Variants in FHOD3 observed in about 807,000 individuals in gnomAD.
FHOD3 encodes the protein FH1/FH2 domain-containing protein 3.
FHOD3 carries 90 observed loss-of-function variants against 173.0 expected under a neutral mutation model. That is an observed-to-expected ratio of 0.52 (90% CI 0.44 to 0.62). FHOD3 has a LOEUF of 0.62. Among genes scored for constraint, FHOD3 ranks in the 20% least tolerant of loss-of-function variants. FHOD3 has a pLI of 0.00. For synonymous variants in FHOD3, 828 were observed against 823.0 expected (o/e 1.01, Z -0.10); for missense variants, 1,945 against 2,034.7 (o/e 0.96, Z 0.85).
At chr18:36,738,481 C>A (rs951934868) in intron 20 of FHOD3, among the ~76,000 whole-genome samples, 3 of 152,126 alleles carry the variant, frequency 2.0e-5, no homozygotes, top group African/African-American at 7.2e-5. Flanking sequence ...TTATCTTATT[C>A]TTTTTTGGTA....
chr18:36,444,907 T>A (rs985729268), intron 3 of FHOD3, among the ~76,000 whole-genome samples: 1 of 152,234 alleles, frequency 6.6e-6, no homozygotes, highest in Non-Finnish European at 1.5e-5. Context: ...ATGAATAGCC[T>A]CATGCATGTG....
intron 3 of FHOD3, among the ~76,000 whole-genome samples, chr18:36,447,927 C>T (rs2051593166): frequency 6.6e-6 from 1 of 152,126 alleles, no homozygotes; most frequent in Admixed American, 6.5e-5. Context: ...GGCAGTCAGG[C>T]AGCTGGAGGG....
intron 3 of FHOD3, among the ~76,000 whole-genome samples, chr18:36,461,341 T>G (rs1234568715): frequency 6.6e-6 from 1 of 152,192 alleles, no homozygotes; most frequent in Non-Finnish European, 1.5e-5. Flanking sequence ...TGAAAGGATT[T>G]TTTTCATTCC....
chr18:36,423,723 G>A (rs1394377287), intron 3 of FHOD3, among the ~76,000 whole-genome samples: 1 of 152,130 alleles, frequency 6.6e-6, no homozygotes, highest in Non-Finnish European at 1.5e-5. Flanking sequence ...AATGATTGCA[G>A]GCTCTTACAT....
At chr18:36,763,156 G>A (rs1157881387) in intron 27 of FHOD3, among the ~76,000 whole-genome samples, 3 of 140,034 alleles carry the variant, frequency 2.1e-5, no homozygotes, top group Non-Finnish European at 3.0e-5. Context: ...TATTATACAC[G>A]TTATATATAT....
intron 17 of FHOD3, among the ~76,000 whole-genome samples, chr18:36,704,544 T>C (rs988475955): frequency 1.3e-5 from 2 of 152,200 alleles, no homozygotes; most frequent in African/African-American, 4.8e-5. Context: ...TGGTGAGCCG[T>C]GGCATCTCTT....
intron 3 of FHOD3, among the ~76,000 whole-genome samples, chr18:36,379,289 A>G (rs1254778268): frequency 1.3e-5 from 2 of 152,208 alleles, no homozygotes; most frequent in Non-Finnish European, 1.5e-5. Flanking sequence ...GACAGGAACA[A>G]TGTGAATTGA....
chr18:36,619,467 T>C (rs778682555), intron 9 of FHOD3, among the ~76,000 whole-genome samples: 4 of 152,226 alleles, frequency 2.6e-5, no homozygotes, highest in Non-Finnish European at 5.9e-5. Context: ...ACTGGACTCT[T>C]TTCTCTTTCC....
At chr18:36,437,360 C>T (rs1458221880) in intron 3 of FHOD3, among the ~76,000 whole-genome samples, 1 of 152,194 alleles carries the variant, frequency 6.6e-6, no homozygotes, top group Non-Finnish European at 1.5e-5. Context: ...TACAACAAAA[C>T]ATGAGAATAA....
At chr18:36,539,554 G>T (rs538672206) in intron 5 of FHOD3, among the ~76,000 whole-genome samples, 1 of 152,264 alleles carries the variant, frequency 6.6e-6, no homozygotes. Flanking sequence ...CTGCTGTGGA[G>T]GTGGGCACTG....
At chr18:36,586,575 G>A (rs1271255882) in intron 6 of FHOD3, among the ~76,000 whole-genome samples, 5 of 151,232 alleles carry the variant, frequency 3.3e-5, no homozygotes, top group Non-Finnish European at 5.9e-5. Context: ...ACCTCCTGCC[G>A]CCTCCTGGCT....
In FHOD3 at chr18:36,513,189, A is replaced by AAC. The variant is rs944131634; in HGVS notation, c.511+647_511+648insCA. Among the ~76,000 whole-genome samples the AAC allele has an allele frequency of 4.6e-5, 7 of 151,952 alleles. No individual in the cohort carries two copies. The South Asian group carries it at 8.4e-4, about 18-fold the overall frequency. On this transcript the variant is annotated intron_variant, in intron 5 of 28. Transcript: ENST00000590592. ...AATTTCATTTGATCCTGTAAAAAAA[A>AAC]AAAAAACAAATAACAAACCTGTGCA...
chr18:36,700,425 A>G (rs866959719), intron 17 of FHOD3, among the ~76,000 whole-genome samples: 13 of 152,212 alleles, frequency 8.5e-5, no homozygotes, highest in Non-Finnish European at 1.3e-4. Context: ...GGTTAAGGCT[A>G]TCTCTCGTGG....
rs1213143344 is a variant in FHOD3 at position 36,693,565 on chromosome 18, C to T, written c.2236+142C>T. The T allele has an allele frequency of 4.0e-6, 3 of 742,758 alleles. No individual in the cohort carries two copies. In the African/African-American group the frequency reaches 5.3e-5, roughly 13 times the overall value. 46.0% of individuals were successfully genotyped at this position (742,758 alleles called of 1,614,324 possible). On this transcript the variant is annotated intron_variant, in intron 17 of 28. Transcript: ENST00000590592. Reference sequence around the variant, plus strand: ...CTTTGTTGGGGGAGGGGGGTTGTGACTGCAACTGCCTGGTCACTAACAAAC... The same window carrying T: ...CTTTGTTGGGGGAGGGGGGTTGTGATTGCAACTGCCTGGTCACTAACAAAC...
chr18:36,464,052 G>A (rs1051120400), intron 3 of FHOD3, among the ~76,000 whole-genome samples: 1 of 152,112 alleles, frequency 6.6e-6, no homozygotes, highest in Non-Finnish European at 1.5e-5. Flanking sequence ...AGATTAAATA[G>A]GAGAAAGCAA....
At chr18:36,733,961 G>C (rs1010816846) in intron 20 of FHOD3, among the ~76,000 whole-genome samples, 1 of 152,140 alleles carries the variant, frequency 6.6e-6, no homozygotes, top group African/African-American at 2.4e-5. Context: ...GCGGTTTTGT[G>C]GGGTGGCTGG....
At chr18:36,622,742 G>A (rs185739627) in intron 9 of FHOD3, among the ~76,000 whole-genome samples, 13 of 152,242 alleles carry the variant, frequency 8.5e-5, no homozygotes, top group South Asian at 2.1e-4. Flanking sequence ...GTGAAAAGCC[G>A]TACTCTCCAG....
At position 36,774,164 on chromosome 18, in the gene FHOD3, T is replaced by G. The variant is rs181220931; in HGVS notation, c.4786+4738T>G. The stretch of plus-strand genomic sequence containing the variant: ...GACTCATAGGAGGAGGCAGTTGGTG[T>G]TCGCATTTTAACTGACTGCCTTCTG... On this transcript the variant is annotated intron_variant, in intron 28 of 28. Coordinates refer to ENST00000590592, the MANE Select transcript of FHOD3 (RefSeq NM_001281740.3). Among the ~76,000 whole-genome samples, 61 of 152,320 alleles carry G rather than the reference T, an allele frequency of 4.0e-4. 1 individual carries two copies. The East Asian group carries it at 0.011, about 26-fold the overall frequency.
chr18:36,763,187 A>G (rs891969634), intron 27 of FHOD3, among the ~76,000 whole-genome samples: 3 of 147,936 alleles, frequency 2.0e-5, no homozygotes, highest in Non-Finnish European at 1.5e-5. Flanking sequence ...TACGCTATAT[A>G]TGTGTATTAT....
Sources: allele counts gnomAD v4.1 joint callset (sites outside exome capture counted in the v4.1 genomes callset), GRCh38; gene constraint gnomAD v4.1.1; transcripts MANE v1.5; gene names NCBI Gene and HGNC (gene_info 2026-07-23, HGNC 2026-07-21).